IPO5: variants seen among roughly 807,000 people sequenced by gnomAD.
The protein encoded by IPO5 is importin 5.
A neutral mutation model predicts 143.3 loss-of-function variants in IPO5; 18 were observed. That is an observed-to-expected ratio of 0.13 (90% confidence interval 0.09 to 0.19). The LOEUF (loss-of-function observed/expected upper bound fraction) is 0.19, where lower values mean the gene tolerates loss of function less well. IPO5 is among the 10% of genes least tolerant of loss of function. The probability of loss-of-function intolerance (pLI) is 1.00; values close to 1 mark genes in which losing one functional copy is unlikely to be tolerated. For missense variants in IPO5, 1,013 were observed against 1,336.9 expected (o/e 0.76, Z 3.78); for synonymous variants, 477 against 465.7 (o/e 1.02, Z -0.31).
At chr13:97,990,283 T>C (rs1344838222) in intron 8 of IPO5, 61 bp downstream of exon 8, 5 of 1,264,542 alleles carry the variant, frequency 4.0e-6, no homozygotes, top group Middle Eastern at 1.9e-4. Flanking sequence ...CGAAAGAAAT[T>C]AGTATATTAG....
At chr13:98,006,864 G>A (rs533756151) in intron 17 of IPO5, among the ~76,000 whole-genome samples, 1 of 142,962 alleles carries the variant, frequency 7.0e-6, no homozygotes, top group Non-Finnish European at 1.5e-5. Flanking sequence ...GTTTGGTTTG[G>A]TGTTTTTTTT....
chr13:98,004,359 A>G (rs1889042679), intron 16 of IPO5, among the ~76,000 whole-genome samples: 1 of 152,230 alleles, frequency 6.6e-6, no homozygotes, highest in African/African-American at 2.4e-5. Context: ...TCAGTATCAG[A>G]TGACAGCAGA....
chr13:98,020,941 A>G lies in IPO5; in HGVS notation c.3066-51A>G, dbSNP rs532765300. ...CATTGATTTTAGTGAACACATAATC[A>G]TATTTCTCCTTATAAATTTCACTTA... On this transcript the variant is annotated intron_variant, in intron 27 of 28. Coordinates refer to ENST00000651721, the MANE Select transcript of IPO5 (RefSeq NM_002271.6). 1.2e-4 allele frequency: 178 copies of G among 1,461,870 alleles called. 2 individuals are homozygous for G. Among genetic ancestry groups the G allele is most frequent in the South Asian group, 1.2e-3 (100 of 82,720 alleles). 90.6% of individuals were successfully genotyped at this position (1,461,870 alleles called of 1,614,324 possible). A position where few individuals can be genotyped will look rare whatever the true frequency, so the allele number is the denominator to read the frequency against.
rs546899872 is a variant in IPO5, at chr13:97,994,718, T to G, written c.913+1493T>G. The stretch of plus-strand genomic sequence containing the variant: ...TCTTGTTTCATCAACTCTGTGAATT[T>G]AGAATGCATTGATGATGCAGGTGTT... On this transcript the variant is annotated intron_variant, in intron 11 of 28. Coordinates refer to ENST00000651721, the MANE Select transcript of IPO5 (RefSeq NM_002271.6). 1.2e-4 allele frequency among the ~76,000 whole-genome samples: 18 copies of G among 151,678 alleles called. No homozygotes were observed. In the South Asian group the frequency reaches 2.5e-3, roughly 21 times the overall value.
At chr13:97,985,656 A>C in intron 6 of IPO5, 43 bp downstream of exon 6, 1 of 1,289,824 alleles carries the variant, frequency 7.8e-7, no homozygotes, top group Non-Finnish European at 1.1e-6. Flanking sequence ...ACATGGGTAT[A>C]TCCTTCCTTT....
rs1311164719 is a variant in IPO5 at position 98,014,092 on chromosome 13, A to G, written c.2203A>G (p.Arg735Gly). 1.2e-6 allele frequency: 2 copies of G among 1,614,044 alleles called. No individual in the cohort carries two copies. Among genetic ancestry groups the G allele is most frequent in the African/African-American group, 1.3e-5 (1 of 75,032 alleles). ...ESMPLLLECA[R>G]VRGPEYLTQM... ...CATGCCTCTTCTCCTGGAGTGTGCA[A>G]GAGTCCGTGGTCCTGAGTATCTCAC... The change falls in exon 22 of 29, where the codon AGA (arginine) becomes GGA (glycine). Residue 735 changes from arginine (R) to glycine (G), a missense_variant. Transcript: ENST00000651721.
intron 27 of IPO5, 31 bp from the exon 28 acceptor site, chr13:98,020,961 C>T (rs1334625190): frequency 1.3e-6 from 2 of 1,563,466 alleles, no homozygotes; most frequent in Admixed American, 1.8e-5. Flanking sequence ...TTATAAATTT[C>T]ACTTACTAAG....
At position 98,021,768 on chromosome 13, in the gene IPO5, A is replaced by C. The variant is rs779756528; in HGVS notation, c.3240A>C (p.Ala1080=). 1.3e-6 allele frequency: 2 copies of C among 1,594,420 alleles called. No homozygotes were observed. The highest frequency in any genetic ancestry group is 8.6e-7 in the Non-Finnish European group (1 of 1,165,450). The change falls in exon 29 of 29, where the codon GCA becomes GCC. Residue 1080 remains alanine (A), a synonymous_variant. Coordinates refer to ENST00000651721, the MANE Select transcript of IPO5 (RefSeq NM_002271.6). ...GAGGACTGTGGACTGAGTGCATAGC[A>C]CAGCTCAGTCCTGAGCAGCAGGCCG... The part of the protein sequence containing the change: ...TSGGLWTECI[A]QLSPEQQAAI...
At chr13:98,004,934 C>T (rs528253489) in intron 16 of IPO5, among the ~76,000 whole-genome samples, 3 of 151,906 alleles carry the variant, frequency 2.0e-5, no homozygotes, top group African/African-American at 7.2e-5. Flanking sequence ...GATGGAGTCT[C>T]GCCCAGGCTG....
chr13:98,020,072 G>T, intron 27 of IPO5: 1 of 277,328 alleles, frequency 3.6e-6, no homozygotes. Flanking sequence ...TTATTTCTTT[G>T]TTTTTAAATT....
chr13:98,006,815 A>G (rs1889295446), intron 17 of IPO5, among the ~76,000 whole-genome samples: 2 of 145,262 alleles, frequency 1.4e-5, no homozygotes, highest in Admixed American at 1.4e-4. Flanking sequence ...CTCCTGTTTT[A>G]TATACAAATT....
intron 4 of IPO5, among the ~76,000 whole-genome samples, chr13:97,980,983 T>C (rs551422441): frequency 7.9e-5 from 12 of 152,330 alleles, no homozygotes; most frequent in African/African-American, 2.9e-4. Flanking sequence ...ACTACTGGTA[T>C]AAGGAGTTGC....
At chr13:97,956,771 A>C (rs974147749) in intron 2 of IPO5, among the ~76,000 whole-genome samples, 2 of 152,214 alleles carry the variant, frequency 1.3e-5, no homozygotes, top group Non-Finnish European at 2.9e-5. Flanking sequence ...GTGATTTGTA[A>C]AATAGGAGTC....
At chr13:97,990,044 A>G (rs1642172465) in intron 7 of IPO5, 82 bp from the exon 8 acceptor site, 1 of 810,590 alleles carries the variant, frequency 1.2e-6, no homozygotes, top group Non-Finnish European at 2.1e-6. Context: ...GTAAACAAAC[A>G]GTTCATTAGA....
intron 3 of IPO5, among the ~76,000 whole-genome samples, chr13:97,974,112 T>G (rs1231721964): frequency 6.6e-6 from 1 of 152,014 alleles, no homozygotes; most frequent in Non-Finnish European, 1.5e-5. Flanking sequence ...ATCTGCAAAC[T>G]TGATTGGAAT....
At chr13:97,978,702 C>T (rs1190755590) in intron 4 of IPO5, among the ~76,000 whole-genome samples, 74 of 152,240 alleles carry the variant, frequency 4.9e-4, no homozygotes, top group Non-Finnish European at 9.6e-4. Flanking sequence ...AATTAGTAAG[C>T]TAGTTTAATT....
intron 3 of IPO5, chr13:97,975,777 C>A (rs749692695): frequency 1.8e-4 from 34 of 193,778 alleles, no homozygotes; most frequent in African/African-American, 5.0e-4. Flanking sequence ...GGAACAGTCA[C>A]AGATCCTGGG....
chr13:97,981,075 C>G (rs1886801812), intron 4 of IPO5, among the ~76,000 whole-genome samples: 1 of 152,194 alleles, frequency 6.6e-6, no homozygotes, highest in East Asian at 1.9e-4. Flanking sequence ...CATAAATTAT[C>G]TCTTCTGGAT....
chr13:97,964,736 A>G (rs2139513626), intron 2 of IPO5, among the ~76,000 whole-genome samples: 1 of 151,682 alleles, frequency 6.6e-6, no homozygotes, highest in South Asian at 2.1e-4. Context: ...GGCGTGAGCC[A>G]CCGCGCCCGG....
Sources: allele counts gnomAD v4.1 joint callset (sites outside exome capture counted in the v4.1 genomes callset), GRCh38; gene constraint gnomAD v4.1.1; transcripts MANE v1.5; gene names NCBI Gene and HGNC (gene_info 2026-07-23, HGNC 2026-07-21).